Variants in DNM3 observed in about 807,000 individuals in gnomAD.
The protein encoded by DNM3 is dynamin 3, also known as dynamin-3.
DNM3 carries 47 observed loss-of-function variants against 101.6 expected under a neutral mutation model. The ratio of observed to expected loss-of-function variants is 0.46; its 90% CI spans 0.37 to 0.59. The LOEUF is 0.59. DNM3 is among the 20% of genes least tolerant of loss of function. DNM3 has a pLI of 0.00. For synonymous variants in DNM3, 385 were observed against 387.9 expected, an observed-to-expected ratio of 0.99 and a Z score of 0.09; for missense variants, 849 against 1,085.7, an observed-to-expected ratio of 0.78 and a Z score of 3.06.
At chr1:172,320,418 G>A (rs550942282) in intron 16 of DNM3, among the ~76,000 whole-genome samples, 116 of 150,874 alleles carry the variant, frequency 7.7e-4, no homozygotes, top group Non-Finnish European at 1.4e-3. Context: ...AAGAAAATGT[G>A]GCACATATAC....
At chr1:171,937,785 G>A (rs2041542582) in intron 2 of DNM3, among the ~76,000 whole-genome samples, 1 of 152,108 alleles carries the variant, frequency 6.6e-6, no homozygotes, top group Non-Finnish European at 1.5e-5. Flanking sequence ...TGCCCAGGCT[G>A]CTCTCAAACT....
intron 14 of DNM3, among the ~76,000 whole-genome samples, chr1:172,146,542 A>G (rs1451257574): frequency 6.6e-6 from 1 of 152,140 alleles, no homozygotes; most frequent in South Asian, 2.1e-4. Context: ...ACAAGCCCAT[A>G]AGACTCACCT....
Position 172,197,122 on chromosome 1 carries a change from A to G in DNM3, c.1660-56451A>G, listed in dbSNP as rs113055734. Among the ~76,000 whole-genome samples the G allele has an allele frequency of 4.3e-3, 648 of 152,296 alleles. 6 individuals are homozygous for G. The highest frequency in any genetic ancestry group is 0.015 in the African/African-American group (620 of 41,584). Reference sequence around the variant, plus strand: ...AAGGGGTCCAGCTTCAGTCTTCTGCATATGGCTAGCCAGTTATCCCAGCAC... The same window carrying G: ...AAGGGGTCCAGCTTCAGTCTTCTGCGTATGGCTAGCCAGTTATCCCAGCAC... On this transcript the variant is annotated intron_variant, in intron 14 of 20. Transcript: ENST00000627582.
chr1:172,117,072 G>A (rs2055955198), intron 13 of DNM3, among the ~76,000 whole-genome samples: 1 of 152,068 alleles, frequency 6.6e-6, no homozygotes, highest in Non-Finnish European at 1.5e-5. Context: ...AGGCATGGTG[G>A]TGCATGCTTG....
rs527648396 is a variant in DNM3, at chr1:172,056,660, C to G, written c.1335+7910C>G. Among the ~76,000 whole-genome samples, 8 of 150,936 alleles carry G rather than the reference C, an allele frequency of 5.3e-5. No homozygotes were observed. The East Asian group carries it at 1.6e-3, about 29-fold the overall frequency. On this transcript the variant is annotated intron_variant, in intron 10 of 20. Transcript: ENST00000627582. ...GTCTGTTAGAAGGAAAACTAACAAA[C>G]AGAAAGGACATCCACACCAAAAACC...
chr1:172,193,262 CA>C (rs1176949362), intron 14 of DNM3, among the ~76,000 whole-genome samples: 1 of 152,026 alleles, frequency 6.6e-6, no homozygotes, highest in Non-Finnish European at 1.5e-5. Flanking sequence ...TTTGGTTTGC[CA>C]GTATTTCATT....
intron 16 of DNM3, among the ~76,000 whole-genome samples, chr1:172,315,386 T>G (rs9425552): frequency 0.093 from 14,201 of 152,218 alleles, 880 homozygotes; most frequent in African/African-American, 0.17. Flanking sequence ...AAGCTGGACA[T>G]AGAATTACTT....
At chr1:172,402,132 T>C (rs1021199776) in intron 20 of DNM3, among the ~76,000 whole-genome samples, 4 of 152,118 alleles carry the variant, frequency 2.6e-5, no homozygotes, top group Non-Finnish European at 5.9e-5. Flanking sequence ...AGGTTTTGAA[T>C]GTTGTTCAGA....
chr1:172,372,961 G>C (rs988930887), intron 17 of DNM3, among the ~76,000 whole-genome samples: 1 of 151,950 alleles, frequency 6.6e-6, no homozygotes, highest in Admixed American at 6.6e-5. Flanking sequence ...TAGGATTACA[G>C]GCACAAGCCA....
At chr1:172,186,453 C>T (rs11807738) in intron 14 of DNM3, among the ~76,000 whole-genome samples, 8,670 of 151,088 alleles carry the variant, frequency 0.057, 320 homozygotes, top group Middle Eastern at 0.12. Context: ...TAGTACCAAT[C>T]GTGGGTAAAA....
intron 4 of DNM3, among the ~76,000 whole-genome samples, chr1:172,021,996 C>T (rs1002248628): frequency 2.0e-5 from 3 of 152,174 alleles, no homozygotes; most frequent in Non-Finnish European, 4.4e-5. Context: ...GTTCTGTAAA[C>T]AGTCTTAGAT....
At chr1:172,167,011 C>T (rs929655283) in intron 14 of DNM3, among the ~76,000 whole-genome samples, 1 of 151,620 alleles carries the variant, frequency 6.6e-6, no homozygotes, top group Non-Finnish European at 1.5e-5. Flanking sequence ...TGTTGGTGTG[C>T]TGCACCCATT....
Position 172,358,833 on chromosome 1 carries a change from A to G in DNM3, c.1894-20185A>G, listed in dbSNP as rs367978758. 1.2e-3 allele frequency among the ~76,000 whole-genome samples: 183 copies of G among 152,116 alleles called. 1 individual carries two copies. The highest frequency in any genetic ancestry group is 1.6e-3 in the Non-Finnish European group (109 of 67,950). Reference sequence around the variant, plus strand: ...ATAATAAAAAGCACATAAAATTTCCATGCTCATATTTGACTCCTTTCCGGG... The same window carrying G: ...ATAATAAAAAGCACATAAAATTTCCGTGCTCATATTTGACTCCTTTCCGGG... On this transcript the variant is annotated intron_variant, in intron 17 of 20. Transcript: ENST00000627582.
At chr1:172,175,255 C>A (rs1353453999) in intron 14 of DNM3, among the ~76,000 whole-genome samples, 1 of 151,750 alleles carries the variant, frequency 6.6e-6, no homozygotes, top group African/African-American at 2.4e-5. Context: ...TCAGTAATAT[C>A]TTTATTTGCA....
chr1:171,925,720 G>A (rs139784475), intron 2 of DNM3, among the ~76,000 whole-genome samples: 7 of 152,228 alleles, frequency 4.6e-5, no homozygotes, highest in East Asian at 3.9e-4. Flanking sequence ...GTTAAGTCCC[G>A]TTTGTCTATT....
rs147296741 is a variant in DNM3 at position 172,243,636 on chromosome 1, G to A, written c.1660-9937G>A. Among the ~76,000 whole-genome samples the A allele has an allele frequency of 3.2e-4, 48 of 152,290 alleles. 1 individual carries two copies. In the East Asian group the frequency reaches 3.5e-3, roughly 11 times the overall value. On this transcript the variant is annotated intron_variant, in intron 14 of 20. Coordinates refer to ENST00000627582, the MANE Select transcript of DNM3 (RefSeq NM_015569.5). ...CCATGAAGCCAGTGGTCTAAAGACC[G>A]TGGAGTTTTCTTGAGACTACTAGAA...
intron 14 of DNM3, among the ~76,000 whole-genome samples, chr1:172,151,192 C>A (rs773252717): frequency 6.6e-6 from 1 of 152,062 alleles, no homozygotes; most frequent in African/African-American, 2.4e-5. Context: ...TTATTTTAAG[C>A]CTAGCGCATG....
chr1:172,233,784 A>G (rs1240786137), intron 14 of DNM3, among the ~76,000 whole-genome samples: 8 of 152,222 alleles, frequency 5.3e-5, no homozygotes. Context: ...AACCAACGAC[A>G]AAAACCACAT....
chr1:171,888,483 G>A (rs1021943828), intron 1 of DNM3, among the ~76,000 whole-genome samples: 2 of 152,290 alleles, frequency 1.3e-5, no homozygotes, highest in South Asian at 2.1e-4. Context: ...TAGAGGAAAG[G>A]ATGCAGAAAT....
Sources: gnomAD v4.1 joint callset for allele counts (sites outside exome capture counted in the v4.1 genomes callset) on GRCh38, gnomAD v4.1.1 for gene constraint, MANE v1.5 for transcripts, NCBI Gene and HGNC (gene_info 2026-07-23, HGNC 2026-07-21) for gene names.